AKAP19: variants seen among roughly 807,000 people sequenced by gnomAD.
AKAP19 encodes the protein small A-kinase anchoring protein.
chr2:189,965,948 A>ATGTG, the AKAP19 span, among the ~76,000 whole-genome samples: 1 of 150,512 alleles, frequency 6.6e-6, no homozygotes, highest in African/African-American at 2.4e-5. Flanking sequence ...ATATGTATGT[A>ATGTG]TGTATGTGTG....
At chr2:189,948,853 C>T in the AKAP19 span, among the ~76,000 whole-genome samples, 1 of 151,136 alleles carries the variant, frequency 6.6e-6, no homozygotes, top group Non-Finnish European at 1.5e-5. Context: ...TTTTGGTATT[C>T]AGCTTAGAAA....
At chr2:190,121,763 T>G in the AKAP19 span, among the ~76,000 whole-genome samples, 1 of 152,186 alleles carries the variant, frequency 6.6e-6, no homozygotes, top group Admixed American at 6.5e-5. Context: ...CTGATTCTTA[T>G]GTGGGAATTT....
At chr2:190,000,951 T>TTTTGCGGGGACTCCCATATACTAATATAC in the AKAP19 span, among the ~76,000 whole-genome samples, 1 of 152,184 alleles carries the variant, frequency 6.6e-6, no homozygotes, top group Non-Finnish European at 1.5e-5. Flanking sequence ...CCATTACATG[T>TTTTGCGGGGACTCCCATATACTAATATAC]ATATTAGTAT....
At chr2:189,990,849 C>T in the AKAP19 span, among the ~76,000 whole-genome samples, 1 of 152,088 alleles carries the variant, frequency 6.6e-6, no homozygotes, top group South Asian at 2.1e-4. Flanking sequence ...AGTTTTTGAT[C>T]CCTCACCATC....
At chr2:190,034,715 G>A in the AKAP19 span, among the ~76,000 whole-genome samples, 3 of 151,194 alleles carry the variant, frequency 2.0e-5, no homozygotes, top group African/African-American at 4.9e-5. Context: ...GCATGGTGGC[G>A]CATGCCTGTA....
At chr2:189,939,172 A>G in the AKAP19 span, among the ~76,000 whole-genome samples, 2 of 152,124 alleles carry the variant, frequency 1.3e-5, no homozygotes, top group Non-Finnish European at 2.9e-5. Flanking sequence ...CTGCTCTGTT[A>G]CTCCACCAAA....
At chr2:190,190,249 GA>G in the AKAP19 span, among the ~76,000 whole-genome samples, 10 of 152,218 alleles carry the variant, frequency 6.6e-5, 1 homozygote, top group East Asian at 1.9e-3. Flanking sequence ...CACCCAAAGG[GA>G]ATCACTACTA....
At chr2:189,987,221 T>C in the AKAP19 span, among the ~76,000 whole-genome samples, 2 of 152,182 alleles carry the variant, frequency 1.3e-5, no homozygotes, top group Non-Finnish European at 2.9e-5. Flanking sequence ...CAAGATCTGA[T>C]GGGTTTATGA....
the AKAP19 span, among the ~76,000 whole-genome samples, chr2:190,144,248 G>GGA: frequency 7.1e-6 from 1 of 140,956 alleles, no homozygotes; most frequent in Non-Finnish European, 1.5e-5. Flanking sequence ...GGCTCTAACA[G>GGA]AAAAAAAAAA....
the AKAP19 span, among the ~76,000 whole-genome samples, chr2:190,026,497 A>G: frequency 2.0e-5 from 3 of 152,226 alleles, no homozygotes; most frequent in African/African-American, 4.8e-5. Flanking sequence ...AGAAGCATAT[A>G]GGAAATGTAT....
At chr2:189,883,507 G>GTTT in the AKAP19 span, among the ~76,000 whole-genome samples, 4,275 of 123,696 alleles carry the variant, frequency 0.035, 231 homozygotes, top group African/African-American at 0.11. Flanking sequence ...GTTTCTTCCT[G>GTTT]TTTTTTTTTT....
chr2:190,141,425 G>T, the AKAP19 span, among the ~76,000 whole-genome samples: 1 of 152,180 alleles, frequency 6.6e-6, no homozygotes, highest in African/African-American at 2.4e-5. Context: ...AAGAAAAGAG[G>T]TTTAATTGAC....
chr2:190,012,803 G>A, the AKAP19 span, among the ~76,000 whole-genome samples: 1 of 152,152 alleles, frequency 6.6e-6, no homozygotes, highest in African/African-American at 2.4e-5. Context: ...AATGTGTTGA[G>A]AGTGTTTATC....
the AKAP19 span, among the ~76,000 whole-genome samples, chr2:189,962,024 A>G: frequency 6.6e-6 from 1 of 152,220 alleles, no homozygotes; most frequent in Non-Finnish European, 1.5e-5. Flanking sequence ...GAATTTTATC[A>G]ATCTAATGGA....
chr2:190,043,572 T>C, the AKAP19 span, among the ~76,000 whole-genome samples: 1 of 152,208 alleles, frequency 6.6e-6, no homozygotes, highest in African/African-American at 2.4e-5. Flanking sequence ...CTTGGCTATT[T>C]CATCCTTCAG....
At chr2:190,131,415 C>A in the AKAP19 span, among the ~76,000 whole-genome samples, 1 of 152,186 alleles carries the variant, frequency 6.6e-6, no homozygotes, top group Non-Finnish European at 1.5e-5. Context: ...TTCTGGACAG[C>A]AGAATGGATA....
chr2:189,886,989 T>A, the AKAP19 span, among the ~76,000 whole-genome samples: 1,910 of 152,310 alleles, frequency 0.013, 38 homozygotes, highest in African/African-American at 0.04. Context: ...TGCTTTTTTT[T>A]AAATTTTTTT....
chr2:190,106,597 T>C, the AKAP19 span, among the ~76,000 whole-genome samples: 2 of 152,166 alleles, frequency 1.3e-5, no homozygotes, highest in African/African-American at 4.8e-5. Context: ...TAGATTATTC[T>C]GAATTTGCTA....
chr2:190,015,267 C>G, the AKAP19 span, among the ~76,000 whole-genome samples: 1 of 152,220 alleles, frequency 6.6e-6, no homozygotes, highest in Non-Finnish European at 1.5e-5. Flanking sequence ...TCCATACATC[C>G]TTTGAAATCT....
Sources: allele counts gnomAD v4.1 joint callset (sites outside exome capture counted in the v4.1 genomes callset), GRCh38; gene constraint gnomAD v4.1.1; transcripts MANE v1.5; gene names NCBI Gene and HGNC (gene_info 2026-07-23, HGNC 2026-07-21).